Variants in GSN observed in about 807,000 individuals in gnomAD.
The protein encoded by GSN is actin-depolymerizing factor.
Under a neutral mutation model 85.7 loss-of-function variants are expected in GSN, and 56 were observed. That is an observed-to-expected ratio of 0.65 (90% CI 0.53 to 0.82). The LOEUF (loss-of-function observed/expected upper bound fraction) is 0.82. Among genes scored for constraint, GSN ranks in the 40% least tolerant of loss-of-function variants. The probability of loss-of-function intolerance (pLI) is 0.00; values close to 1 mark genes in which losing one functional copy is unlikely to be tolerated. For synonymous variants in GSN, 373 were observed against 399.1 expected, an observed-to-expected ratio of 0.93 and a Z score of 0.78; for missense variants, 857 against 979.8, an observed-to-expected ratio of 0.87 and a Z score of 1.67.
chr9:121,246,867 G>A (rs773336288), intron 5 of GSN, among the ~76,000 whole-genome samples: 8 of 152,140 alleles, frequency 5.3e-5, no homozygotes, highest in Non-Finnish European at 8.8e-5. Flanking sequence ...AGATTGTCCC[G>A]TCCAGTGGGG....
At chr9:121,235,005 C>T (rs2054465068) in intron 5 of GSN, among the ~76,000 whole-genome samples, 1 of 152,038 alleles carries the variant, frequency 6.6e-6, no homozygotes, top group Non-Finnish European at 1.5e-5. Context: ...GAGAGGGAGG[C>T]GCAGAGGAAA....
In GSN at chr9:121,322,702, G is replaced by A. The variant is rs530523190; in HGVS notation, c.1325+1301G>A. On this transcript the variant is annotated intron_variant, in intron 11 of 17. Transcript: ENST00000432226. Reference sequence around the variant, plus strand: ...TCCCTGGTTCCCTATAGTCACACTCGTGGATTGTGTGGTCAAACTTTTGGG... The same window carrying A: ...TCCCTGGTTCCCTATAGTCACACTCATGGATTGTGTGGTCAAACTTTTGGG... 2.7e-4 allele frequency among the ~76,000 whole-genome samples: 41 copies of A among 152,304 alleles called. No homozygotes were observed. In the South Asian group the frequency reaches 7.7e-3, roughly 28 times the overall value.
chr9:121,325,301 A>G (rs917865955), intron 12 of GSN, among the ~76,000 whole-genome samples: 2 of 152,248 alleles, frequency 1.3e-5, no homozygotes, highest in African/African-American at 4.8e-5. Flanking sequence ...GGACTGTTCA[A>G]CTGGGACCTG....
chr9:121,281,975 T>C (rs1270225652), intron 2 of GSN: 1 of 472,240 alleles, frequency 2.1e-6, no homozygotes, highest in African/African-American at 2.0e-5. Flanking sequence ...GGGGGTCCAT[T>C]TGCCAAGTCT....
In GSN at chr9:121,318,736, C is replaced by A. The variant is rs367632035; in HGVS notation, c.1047C>A (p.Asp349Glu). The change falls in exon 10 of 18, where the codon GAC (aspartate) becomes GAA (glutamate). Residue 349 changes from aspartate (D) to glutamate (E), a missense_variant. Physicochemically the swap from Asp to Glu is conservative, Grantham distance 45. Transcript: ENST00000432226. This position sits in a 1 kb window ranked among gnomAD's most constrained non-coding sequence, Gnocchi z 4.3. ...TCTTCAAGAACTGGCGGGACCCAGA[C>A]CAGACAGATGGCCTGGGCTTGTCCT... ...KQFFKNWRDP[D>E]QTDGLGLSYL... The A allele has an allele frequency of 6.2e-7, 1 of 1,613,990 alleles. No homozygotes were observed. The highest frequency in any genetic ancestry group is 1.1e-5 in the South Asian group (1 of 91,080).
At chr9:121,232,992 A>G (rs779059430) in intron 5 of GSN, among the ~76,000 whole-genome samples, 1 of 152,202 alleles carries the variant, frequency 6.6e-6, no homozygotes, top group Non-Finnish European at 1.5e-5. Flanking sequence ...CAAATTCCCT[A>G]TCACTTCTCT....
At chr9:121,262,874 C>G (rs564021824) in intron 6 of GSN, among the ~76,000 whole-genome samples, 2 of 152,368 alleles carry the variant, frequency 1.3e-5, no homozygotes, top group South Asian at 2.1e-4. Flanking sequence ...TCCCCAATCA[C>G]TCTATCTGAC....
chr9:121,319,955 T>C (rs1328102738), intron 10 of GSN, among the ~76,000 whole-genome samples: 1 of 152,138 alleles, frequency 6.6e-6, no homozygotes, highest in Non-Finnish European at 1.5e-5. Flanking sequence ...TTATATATTA[T>C]TGTTTTTGGT....
chr9:121,252,353 C>T (rs554609713), intron 6 of GSN, among the ~76,000 whole-genome samples: 4 of 152,180 alleles, frequency 2.6e-5, no homozygotes, highest in Non-Finnish European at 5.9e-5. Context: ...ACTCCTGTGG[C>T]CAGTGGTGGA....
At chr9:121,317,505 A>T in intron 8 of GSN, 1 of 432,368 alleles carries the variant, frequency 2.3e-6, no homozygotes, top group Non-Finnish European at 4.3e-6. Context: ...TGTAGAAATT[A>T]TGTAGAAAAC....
intron 2 of GSN, chr9:121,284,860 G>GGA (rs1356046461): frequency 6.0e-6 from 1 of 167,318 alleles, no homozygotes; most frequent in Non-Finnish European, 1.5e-5. Flanking sequence ...GGAGCTGGTT[G>GGA]GAGAGAATGA....
intron 2 of GSN, chr9:121,282,909 C>T (rs1364507428): frequency 6.4e-5 from 13 of 203,466 alleles, no homozygotes; most frequent in Admixed American, 1.8e-4. Flanking sequence ...GAGCAACCGT[C>T]GCCTGAGAGC....
In GSN at chr9:121,225,572, C is replaced by T. The variant is rs150544915; in HGVS notation, c.-527-5593C>T. On this transcript the variant is annotated intron_variant, in intron 4 of 24. Transcript: ENST00000373823. ...ATACAGGTGTGAAGGGGGAGTTGTC[C>T]GTTAATCACTTTTCCTCCAAAGTGG... Among the ~76,000 whole-genome samples, 582 of 152,278 alleles carry T rather than the reference C, an allele frequency of 3.8e-3. 3 individuals are homozygous for T. The highest frequency in any genetic ancestry group is 0.013 in the African/African-American group (546 of 41,542).
intron 2 of GSN, chr9:121,281,977 G>C (rs1371873416): frequency 8.5e-6 from 4 of 472,416 alleles, no homozygotes; most frequent in Non-Finnish European, 1.8e-5. Flanking sequence ...GGGTCCATTT[G>C]CCAAGTCTCT....
intron 1 of GSN, chr9:121,281,224 G>A (rs907127066): frequency 1.8e-5 from 4 of 221,358 alleles, no homozygotes; most frequent in African/African-American, 9.1e-5. Context: ...ATACCAGCAG[G>A]TACAAGGCAT....
At chr9:121,209,236 A>T (rs922386815) in intron 1 of GSN, 2 of 152,178 alleles carry the variant, frequency 1.3e-5, no homozygotes, top group Non-Finnish European at 2.9e-5. Context: ...CCCTATCAGA[A>T]GAAGTGCTGA....
At chr9:121,310,227 G>A (rs543583547) in intron 4 of GSN, 9 of 270,918 alleles carry the variant, frequency 3.3e-5, no homozygotes, top group Non-Finnish European at 5.8e-5. Flanking sequence ...CAGTCAGGGA[G>A]GGTGAGTGAG....
At chr9:121,204,524 A>G (rs1251002876), upstream of GSN, among the ~76,000 whole-genome samples, 3 of 152,224 alleles carry the variant, frequency 2.0e-5, no homozygotes, top group East Asian at 5.8e-4. Context: ...TTCTTTTAAT[A>G]AGTCCCAGAA....
rs767519230 is a variant in GSN, at chr9:121,332,440, G to A, written c.2033G>A (p.Arg678Gln). Residue 678 changes from arginine (R) to glutamine (Q), a missense_variant, in exon 18 of 18, where the codon CGG (arginine) becomes CAG (glutamine). Physicochemically the swap from Arg to Gln is conservative, Grantham distance 43 (BLOSUM62 1). Coordinates refer to ENST00000432226, the MANE Select transcript of GSN (RefSeq NM_198252.3). This position sits in a 1 kb window ranked among gnomAD's most constrained non-coding sequence, Gnocchi z 4.8. ...CTTGCACGTGTGTCTGCAGCTAAGC[G>A]GTACATCGAGACGGACCCAGCCAAT... ...EKTEALTSAK[R>Q]YIETDPANRD... 9 of 1,613,930 alleles carry A rather than the reference G, an allele frequency of 5.6e-6. No homozygotes were observed. In the Admixed American group the frequency reaches 6.7e-5, roughly 12 times the overall value.
Sources: allele counts gnomAD v4.1 joint callset (sites outside exome capture counted in the v4.1 genomes callset), GRCh38; gene constraint gnomAD v4.1.1; non-coding constraint Gnocchi (gnomAD v3.1); transcripts MANE v1.5; gene names NCBI Gene and HGNC (gene_info 2026-07-23, HGNC 2026-07-21).